The following CDH8 variants were observed in gnomAD, a reference collection of about 807,000 sequenced individuals.
The protein encoded by CDH8 is cadherin-8.
A neutral mutation model predicts 68.1 loss-of-function variants in CDH8; 17 were observed. That is an observed-to-expected ratio of 0.25 (90% CI 0.17 to 0.37). The LOEUF (loss-of-function observed/expected upper bound fraction) is 0.37. Among genes scored for constraint, CDH8 ranks in the 10% least tolerant of loss-of-function variants. The pLI, the probability that CDH8 is intolerant of heterozygous loss-of-function variation, is 1.00. For missense variants in CDH8, 763 were observed against 999.3 expected (o/e 0.76, Z 3.19); for synonymous variants, 372 against 365.1 (o/e 1.02, Z -0.21).
chr16:61,736,108 A>AAGG (rs1567446448), intron 8 of CDH8, among the ~76,000 whole-genome samples: 8 of 64,820 alleles, frequency 1.2e-4, no homozygotes, highest in Admixed American at 5.2e-4. Context: ...GGAAAGAAAG[A>AAGG]AAGAAAGGAA....
intron 10 of CDH8, among the ~76,000 whole-genome samples, chr16:61,656,200 A>G (rs1963445093): frequency 1.3e-5 from 2 of 152,168 alleles, no homozygotes; most frequent in Admixed American, 1.3e-4. Flanking sequence ...ATGGACCAGG[A>G]CAACCATAAC....
At chr16:61,708,201 G>A (rs1175551006) in intron 10 of CDH8, among the ~76,000 whole-genome samples, 1 of 152,080 alleles carries the variant, frequency 6.6e-6, no homozygotes, top group Non-Finnish European at 1.5e-5. Flanking sequence ...AGAAAGCTCT[G>A]TAAAGGCTGG....
At chr16:61,794,702 G>A (rs116761134) in intron 7 of CDH8, among the ~76,000 whole-genome samples, 1 of 151,976 alleles carries the variant, frequency 6.6e-6, no homozygotes, top group East Asian at 1.9e-4. Flanking sequence ...GATGAAGCTG[G>A]GAAGGGAGAA....
intron 8 of CDH8, among the ~76,000 whole-genome samples, chr16:61,744,194 T>C (rs576455312): frequency 5.9e-5 from 9 of 152,226 alleles, no homozygotes; most frequent in African/African-American, 1.9e-4. Flanking sequence ...CTATCTTCGG[T>C]TTTTCGGTCT....
At chr16:61,891,640 G>C (rs945246624) in intron 3 of CDH8, among the ~76,000 whole-genome samples, 2 of 152,104 alleles carry the variant, frequency 1.3e-5, no homozygotes, top group Admixed American at 1.3e-4. Context: ...GCTTCTTTAA[G>C]CAGAAGAGAA....
intron 10 of CDH8, among the ~76,000 whole-genome samples, chr16:61,700,622 G>A (rs1349892608): frequency 6.7e-6 from 1 of 148,818 alleles, no homozygotes; most frequent in African/African-American, 2.5e-5. Context: ...CTACCCTAGG[G>A]GCTGTATTAA....
rs535484214 is a variant in CDH8, at chr16:61,780,551, T to C, written c.1414+8795A>G. On this transcript the variant is annotated intron_variant, in intron 8 of 11. Transcript: ENST00000577390. Reference sequence around the variant, plus strand: ...TGATGAGATAGCATTCTGAGAGTCATTTTAAATTGTTCTCCCTGGAATGAC... The same window carrying C: ...TGATGAGATAGCATTCTGAGAGTCACTTTAAATTGTTCTCCCTGGAATGAC... 6.6e-5 allele frequency among the ~76,000 whole-genome samples: 10 copies of C among 152,374 alleles called. No homozygotes were observed. In the South Asian group the frequency reaches 1.9e-3, roughly 28 times the overall value.
chr16:61,969,195 C>T (rs1233011244), intron 2 of CDH8, among the ~76,000 whole-genome samples: 1 of 152,218 alleles, frequency 6.6e-6, no homozygotes, highest in Non-Finnish European at 1.5e-5. Flanking sequence ...ACAAATAGAA[C>T]TCCCGGTTCT....
rs1965111524 is a variant in CDH8, at chr16:61,960,262, T to TATATACGTGTGTGTGTATACACACAC, written c.253-58790_253-58789insGTGTGTGTATACACACACACGTATAT. 1.2e-4 allele frequency among the ~76,000 whole-genome samples: 12 copies of TATATACGTGTGTGTGTATACACACAC among 102,026 alleles called. 3 individuals are homozygous for TATATACGTGTGTGTGTATACACACAC. The highest frequency in any genetic ancestry group is 7.4e-4 in the Admixed American group (8 of 10,794). 66.9% of individuals were successfully genotyped at this position (102,026 alleles called of 152,430 possible). A position where few individuals can be genotyped will look rare whatever the true frequency, so the allele number is the denominator to read the frequency against. On this transcript the variant is annotated intron_variant, in intron 2 of 11. Coordinates refer to ENST00000577390, the MANE Select transcript of CDH8 (RefSeq NM_001796.5). ...ACATGTGTGTGTGTATACACATACA[T>TATATACGTGTGTGTGTATACACACAC]ATATACGTGTGTGTGTATACACACA...
chr16:61,857,002 A>G, intron 4 of CDH8, 117 bp downstream of exon 4: 1 of 1,204,442 alleles, frequency 8.3e-7, no homozygotes, highest in Admixed American at 1.9e-5. Flanking sequence ...ATATTCAAAT[A>G]TTATTGATGC....
chr16:61,714,710 T>G (rs896744935), intron 9 of CDH8, among the ~76,000 whole-genome samples: 84 of 151,728 alleles, frequency 5.5e-4, no homozygotes, highest in African/African-American at 1.8e-3. Context: ...TCTTAATAAT[T>G]TGTATTTATG....
chr16:61,674,718 T>C (rs1963863567), intron 10 of CDH8, among the ~76,000 whole-genome samples: 1 of 152,054 alleles, frequency 6.6e-6, no homozygotes, highest in Non-Finnish European at 1.5e-5. Flanking sequence ...AAGGAACTGT[T>C]GTATGTACAT....
chr16:62,000,416 C>T (rs546101838), intron 2 of CDH8, among the ~76,000 whole-genome samples: 310 of 152,242 alleles, frequency 2.0e-3, no homozygotes, highest in African/African-American at 7.3e-3. Flanking sequence ...ACACTCCCAC[C>T]AACAGTGTAA....
At chr16:61,674,518 A>T (rs1963860465) in intron 10 of CDH8, among the ~76,000 whole-genome samples, 1 of 151,994 alleles carries the variant, frequency 6.6e-6, no homozygotes, top group Non-Finnish European at 1.5e-5. Flanking sequence ...CATTTCTACC[A>T]AACTCAAGGG....
intron 8 of CDH8, among the ~76,000 whole-genome samples, chr16:61,780,962 T>A (rs1961035513): frequency 6.6e-6 from 1 of 152,312 alleles, no homozygotes; most frequent in South Asian, 2.1e-4. Flanking sequence ...AAGAAAGAAA[T>A]CTGCAAAAAT....
intron 10 of CDH8, among the ~76,000 whole-genome samples, chr16:61,691,507 T>A (rs1163035635): frequency 2.6e-5 from 4 of 151,948 alleles, no homozygotes; most frequent in Non-Finnish European, 5.9e-5. Flanking sequence ...CTGCTTGAGA[T>A]CCATTTGTCT....
intron 9 of CDH8, among the ~76,000 whole-genome samples, chr16:61,719,865 G>A (rs969484500): frequency 1.2e-4 from 18 of 150,836 alleles, no homozygotes; most frequent in African/African-American, 4.1e-4. Context: ...TGGCAAACTC[G>A]AGATACCATA....
chr16:61,733,482 T>A (rs1232582281), intron 8 of CDH8, among the ~76,000 whole-genome samples: 2 of 151,730 alleles, frequency 1.3e-5, no homozygotes, highest in Non-Finnish European at 2.9e-5. Context: ...AATAAAAAAA[T>A]ATATTGTGCT....
chr16:61,922,581 T>A (rs947160715), intron 2 of CDH8, among the ~76,000 whole-genome samples: 1 of 152,212 alleles, frequency 6.6e-6, no homozygotes, highest in African/African-American at 2.4e-5. Flanking sequence ...ATAAATAATG[T>A]ACATGTGAAA....
Sources: gnomAD v4.1 joint callset for allele counts (sites outside exome capture counted in the v4.1 genomes callset) on GRCh38, gnomAD v4.1.1 for gene constraint, MANE v1.5 for transcripts, NCBI Gene and HGNC (gene_info 2026-07-23, HGNC 2026-07-21) for gene names.